The following MYT1L variants were observed in gnomAD, a reference collection of about 807,000 sequenced individuals.
MYT1L encodes myelin transcription factor 1 like.
A neutral mutation model predicts 126.7 loss-of-function variants in MYT1L; 12 were observed. That is an observed-to-expected ratio of 0.09 (90% CI 0.06 to 0.15). The LOEUF (loss-of-function observed/expected upper bound fraction) is 0.15. Ranked by LOEUF, MYT1L falls within the 10% of genes least tolerant of loss-of-function variation. MYT1L has a pLI of 1.00. For synonymous variants in MYT1L, 541 were observed against 604.2 expected, an observed-to-expected ratio of 0.90 and a Z score of 1.53; for missense variants, 979 against 1,585.2, an observed-to-expected ratio of 0.62 and a Z score of 6.49.
Position 1,943,808 on chromosome 2 carries a change from A to T in MYT1L, c.153-474T>A, listed in dbSNP as rs1227037172. ...TGTCTATGTCGTGAAAGAGCTTTGG[A>T]TATATTTGGATTTGTATATTTTATG... On this transcript the variant is annotated intron_variant, in intron 8 of 24. Transcript: ENST00000647738. This position sits in a 1 kb window ranked among gnomAD's most constrained non-coding sequence, Gnocchi z 4.4. 2.6e-5 allele frequency among the ~76,000 whole-genome samples: 4 copies of T among 152,110 alleles called. No individual in the cohort carries two copies. Among genetic ancestry groups the T allele is most frequent in the Non-Finnish European group, 5.9e-5 (4 of 68,036 alleles).
chr2:2,086,750 G>A lies in MYT1L; in HGVS notation c.-303-32627C>T, dbSNP rs1021655073. ...GATCTCACACAAAGGGCTTGTTTAC[G>A]TAGTTTCTTGGAACTTCCCCTTAGG... is the stretch of plus-strand genomic sequence containing the variant. On this transcript the variant is annotated intron_variant, in intron 3 of 24. Coordinates refer to ENST00000647738, the MANE Select transcript of MYT1L (RefSeq NM_001303052.2). 5.1e-4 allele frequency among the ~76,000 whole-genome samples: 77 copies of A among 152,262 alleles called. 2 individuals are homozygous for A. Among genetic ancestry groups the A allele is most frequent in the South Asian group, 8.3e-4 (4 of 4,820 alleles).
In MYT1L at chr2:1,912,294, A is replaced by G. The variant is rs1189258839; in HGVS notation, c.1619-184T>C. Among the ~76,000 whole-genome samples, 1 of 151,802 alleles carries G rather than the reference A, an allele frequency of 6.6e-6. No individual in the cohort carries two copies. Among genetic ancestry groups the G allele is most frequent in the East Asian group, 1.9e-4 (1 of 5,132 alleles). The stretch of plus-strand genomic sequence containing the variant: ...AAAGAAGGTTGACTGGACCCTACGG[A>G]CCCTACACGAAAGGCCAGAGAAAGA... On this transcript the variant is annotated intron_variant, in intron 11 of 24. Transcript: ENST00000647738. This position sits in a 1 kb window ranked among gnomAD's most constrained non-coding sequence, Gnocchi z 4.3.
At chr2:2,276,966 G>A (rs1024149777) in intron 2 of MYT1L, among the ~76,000 whole-genome samples, 4 of 132,150 alleles carry the variant, frequency 3.0e-5, no homozygotes, top group East Asian at 2.7e-4. Flanking sequence ...GCTAACTTCC[G>A]ATTGATTCTT....
At chr2:2,139,625 C>T (rs1181734113) in intron 3 of MYT1L, among the ~76,000 whole-genome samples, 2 of 151,116 alleles carry the variant, frequency 1.3e-5, no homozygotes, top group African/African-American at 4.9e-5. Context: ...GGTGACAGAG[C>T]GACACTCCAT....
At chr2:2,243,213 C>T (rs951856206) in intron 2 of MYT1L, among the ~76,000 whole-genome samples, 3 of 152,204 alleles carry the variant, frequency 2.0e-5, no homozygotes, top group Non-Finnish European at 4.4e-5. Flanking sequence ...CACTTTATTA[C>T]AGTTTCCTCA....
At chr2:1,823,220 G>C (rs1295229303) in intron 21 of MYT1L, among the ~76,000 whole-genome samples, 1 of 152,200 alleles carries the variant, frequency 6.6e-6, no homozygotes, top group Non-Finnish European at 1.5e-5. Flanking sequence ...GACCCAGCAG[G>C]GGCACCCAGC....
intron 1 of MYT1L, among the ~76,000 whole-genome samples, chr2:2,295,593 CAGAGAGAGAGACAGACAG>C (rs1559583660): frequency 0.024 from 506 of 20,792 alleles, 7 homozygotes; most frequent in Middle Eastern, 0.042. Flanking sequence ...GACAGACAGA[CAGAGAGAGAGACAGACAG>C]AGAGAGAGAG....
intron 3 of MYT1L, among the ~76,000 whole-genome samples, chr2:2,091,864 A>G (rs2076945009): frequency 6.6e-6 from 1 of 152,178 alleles, no homozygotes; most frequent in Admixed American, 6.5e-5. Context: ...GCCAGCTTCA[A>G]ACTTTTCTTC....
At chr2:1,810,337 AC>A (rs1166923083) in intron 21 of MYT1L, among the ~76,000 whole-genome samples, 1 of 151,952 alleles carries the variant, frequency 6.6e-6, no homozygotes, top group African/African-American at 2.4e-5. Flanking sequence ...ACAGGGTTTC[AC>A]CATATTGGCC....
rs371311331 is a variant in MYT1L, at chr2:2,275,068, T to A, written c.-421+9336A>T. On this transcript the variant is annotated intron_variant, in intron 2 of 24. Transcript: ENST00000647738. ...GAGTCAGCGGGAGCCAGTGTGCTGG[T>A]TTGGGGTGGGGACCACAGCTGGAGA... 2.6e-5 allele frequency among the ~76,000 whole-genome samples: 4 copies of A among 151,760 alleles called. No individual in the cohort carries two copies. In the East Asian group the frequency reaches 5.8e-4, roughly 22 times the overall value.
intron 21 of MYT1L, among the ~76,000 whole-genome samples, chr2:1,817,901 T>G (rs1304006185): frequency 6.6e-6 from 1 of 152,106 alleles, no homozygotes; most frequent in Non-Finnish European, 1.5e-5. Context: ...TGCTGCTGAG[T>G]GTAGGTTTGG....
chr2:2,143,630 T>C (rs577139898), intron 3 of MYT1L, among the ~76,000 whole-genome samples: 1 of 152,174 alleles, frequency 6.6e-6, no homozygotes, highest in East Asian at 1.9e-4. Flanking sequence ...GGTGGGTCAT[T>C]TGGGAGGCCC....
intron 2 of MYT1L, among the ~76,000 whole-genome samples, chr2:2,217,496 A>G (rs1199523712): frequency 6.6e-6 from 1 of 152,056 alleles, no homozygotes; most frequent in African/African-American, 2.4e-5. Context: ...CAGCCTGGCC[A>G]ACATGGTGAA....
At chr2:2,010,542 AT>A (rs1428667532) in intron 4 of MYT1L, among the ~76,000 whole-genome samples, 1 of 151,990 alleles carries the variant, frequency 6.6e-6, no homozygotes, top group Non-Finnish European at 1.5e-5. Flanking sequence ...CAGATTCATT[AT>A]ATTGGATCAA....
At chr2:1,826,512 G>A (rs541712651) in intron 21 of MYT1L, among the ~76,000 whole-genome samples, 1 of 152,306 alleles carries the variant, frequency 6.6e-6, no homozygotes, top group African/African-American at 2.4e-5. Context: ...ACCTCTCCCT[G>A]CTGCTATTCA....
intron 21 of MYT1L, among the ~76,000 whole-genome samples, chr2:1,824,069 C>T (rs1211265395): frequency 6.6e-6 from 1 of 152,146 alleles, no homozygotes; most frequent in Non-Finnish European, 1.5e-5. Flanking sequence ...ACGTGCCAAG[C>T]CCTCTCCATG....
At chr2:2,216,207 T>C (rs2093672807) in intron 2 of MYT1L, among the ~76,000 whole-genome samples, 1 of 152,172 alleles carries the variant, frequency 6.6e-6, no homozygotes. Context: ...TCTCAGGTAT[T>C]TCTTTATAGA....
intron 2 of MYT1L, among the ~76,000 whole-genome samples, chr2:2,256,467 G>A (rs1196634359): frequency 1.3e-5 from 2 of 152,216 alleles, no homozygotes; most frequent in African/African-American, 4.8e-5. Flanking sequence ...TAGCGCTACA[G>A]CAGCAGAATG....
At chr2:1,948,831 A>T (rs2057475366) in intron 8 of MYT1L, among the ~76,000 whole-genome samples, 1 of 152,166 alleles carries the variant, frequency 6.6e-6, no homozygotes, top group Admixed American at 6.5e-5. Flanking sequence ...ATTCTGCAAG[A>T]CTGAGTTCAA....
Sources: gnomAD v4.1 joint callset for allele counts (sites outside exome capture counted in the v4.1 genomes callset) on GRCh38, gnomAD v4.1.1 for gene constraint, Gnocchi (gnomAD v3.1) non-coding constraint, MANE v1.5 for transcripts, NCBI Gene and HGNC (gene_info 2026-07-23, HGNC 2026-07-21) for gene names.